The following DRGX variants were observed in gnomAD, a reference collection of about 807,000 sequenced individuals.
The protein encoded by DRGX is dorsal root ganglia homeobox.
In DRGX, 21 loss-of-function variants were observed where a neutral mutation model predicts 28.6. The observed-to-expected ratio is 0.73, with a 90% CI of 0.52 to 1.06. The LOEUF is 1.06. DRGX is among the 50% of genes least tolerant of loss of function. The pLI, the probability that DRGX is intolerant of heterozygous loss-of-function variation, is 0.00. For synonymous variants in DRGX, 136 were observed against 139.1 expected (o/e 0.98, Z 0.16); for missense variants, 354 against 343.9 (o/e 1.03, Z -0.23).
At chr10:49,375,646 G>T (rs1188362969) in intron 6 of DRGX, among the ~76,000 whole-genome samples, 2 of 152,060 alleles carry the variant, frequency 1.3e-5, no homozygotes, top group Non-Finnish European at 2.9e-5. Context: ...ATTGATGGGG[G>T]CCAACTCAGC....
chr10:49,386,959 T>G, intron 4 of DRGX, 101 bp from the exon 5 acceptor site: 1 of 1,343,590 alleles, frequency 7.4e-7, no homozygotes. Context: ...CCCTGCAGCC[T>G]CCTCTCCACA....
chr10:49,391,117 G>C (rs747592503), intron 3 of DRGX, 47 bp downstream of exon 3: 8 of 1,577,390 alleles, frequency 5.1e-6, no homozygotes, highest in Non-Finnish European at 7.0e-6. Context: ...TTGATTTGGG[G>C]GAGGTAGGAA....
chr10:49,395,505 G>C lies in DRGX; in HGVS notation c.-65C>G. 2 of 1,522,664 alleles carry C rather than the reference G, an allele frequency of 1.3e-6. No individual in the cohort carries two copies. The highest frequency in any genetic ancestry group is 1.4e-5 in the African/African-American group (1 of 72,640). 94.3% of individuals were successfully genotyped at this position (1,522,664 alleles called of 1,614,324 possible). On this transcript the variant is annotated 5_prime_UTR_variant, in exon 2 of 7. Coordinates refer to ENST00000374139, the MANE Select transcript of DRGX (RefSeq NM_001276451.2). ...GGGTGGCAGCAGAACGGACCCGCGC[G>C]CGTTGCTCCTGCCTGGCTGCAAAGC...
chr10:49,372,986 C>T (rs58966488), intron 6 of DRGX, among the ~76,000 whole-genome samples: 6,232 of 152,098 alleles, frequency 0.041, 360 homozygotes, highest in African/African-American at 0.13. Flanking sequence ...TTTTGTTTTT[C>T]TTTAATTTAT....
chr10:49,383,049 G>A (rs1345775944), intron 6 of DRGX, among the ~76,000 whole-genome samples: 3 of 152,088 alleles, frequency 2.0e-5, no homozygotes, highest in Non-Finnish European at 4.4e-5. Flanking sequence ...GGGCAAGGCA[G>A]GGCTGACCTG....
intron 6 of DRGX, among the ~76,000 whole-genome samples, chr10:49,374,585 GTTCC>G (rs1849697932): frequency 6.6e-6 from 1 of 152,146 alleles, no homozygotes; most frequent in African/African-American, 2.4e-5. Context: ...TTTCCATTAA[GTTCC>G]ATCAAATTCT....
At chr10:49,371,035 C>G (rs11101115) in intron 6 of DRGX, among the ~76,000 whole-genome samples, 14,962 of 152,244 alleles carry the variant, frequency 0.098, 945 homozygotes, top group Admixed American at 0.14. Context: ...GGGATAGGAA[C>G]TACAGTGATC....
In DRGX at chr10:49,365,452, T is replaced by A. The variant is rs1213825626; in HGVS notation, c.*664A>T. On this transcript the variant is annotated 3_prime_UTR_variant, in exon 7 of 7. Transcript: ENST00000374139. ...CAGTTCATGGAGCAGGTGGCCTGGGTGATTAGCCCAGCCCCCCGGCCAGAT... is the reference window on the plus strand; with the variant it reads ...CAGTTCATGGAGCAGGTGGCCTGGGAGATTAGCCCAGCCCCCCGGCCAGAT... 1 of 152,084 alleles carries A rather than the reference T, an allele frequency of 6.6e-6. No individual in the cohort carries two copies. The highest frequency in any genetic ancestry group is 2.4e-5 in the African/African-American group (1 of 41,372). 9.4% of individuals were successfully genotyped at this position (152,084 alleles called of 1,614,324 possible).
chr10:49,380,857 A>C (rs7900263), intron 6 of DRGX, among the ~76,000 whole-genome samples: 1 of 152,180 alleles, frequency 6.6e-6, no homozygotes, highest in Non-Finnish European at 1.5e-5. Flanking sequence ...GACTCTGGTC[A>C]ACAATAGTTG....
chr10:49,389,460 C>T (rs755594950), intron 4 of DRGX, among the ~76,000 whole-genome samples: 1 of 152,172 alleles, frequency 6.6e-6, no homozygotes, highest in Non-Finnish European at 1.5e-5. Flanking sequence ...CCCAGAGAGG[C>T]GGCACCGTGA....
At chr10:49,369,982 G>A (rs551843159) in intron 6 of DRGX, among the ~76,000 whole-genome samples, 27 of 152,068 alleles carry the variant, frequency 1.8e-4, no homozygotes, top group Admixed American at 7.9e-4. Flanking sequence ...CGCACTCACC[G>A]GGCCTTTGCC....
At chr10:49,376,919 A>G (rs1391175728) in intron 6 of DRGX, among the ~76,000 whole-genome samples, 3 of 151,732 alleles carry the variant, frequency 2.0e-5, no homozygotes, top group Non-Finnish European at 4.4e-5. Context: ...TGTCACCTGA[A>G]CTAGGATTCT....
At chr10:49,386,879 T>C (rs1049671784) in intron 4 of DRGX, 21 bp from the exon 5 acceptor site, 8 of 1,523,078 alleles carry the variant, frequency 5.3e-6, no homozygotes, top group African/African-American at 1.4e-5. Flanking sequence ...GATGGAAACA[T>C]ACACCCAGTG....
chr10:49,376,461 C>T (rs886164111), intron 6 of DRGX, among the ~76,000 whole-genome samples: 4 of 152,182 alleles, frequency 2.6e-5, no homozygotes, highest in East Asian at 1.9e-4. Context: ...ACCCCAGTCA[C>T]CATGCACTGG....
intron 6 of DRGX, among the ~76,000 whole-genome samples, chr10:49,385,666 G>A (rs1237624599): frequency 1.3e-5 from 2 of 152,108 alleles, no homozygotes; most frequent in East Asian, 3.9e-4. Flanking sequence ...GAACATGCAG[G>A]GGACACCCTA....
At chr10:49,376,691 C>A (rs1849721054) in intron 6 of DRGX, among the ~76,000 whole-genome samples, 1 of 152,154 alleles carries the variant, frequency 6.6e-6, no homozygotes, top group Non-Finnish European at 1.5e-5. Context: ...AGGTGAGGAG[C>A]CTGAAATCCA....
chr10:49,391,015 C>G (rs1221040919), intron 3 of DRGX, 149 bp downstream of exon 3: 2 of 909,202 alleles, frequency 2.2e-6, no homozygotes, highest in Non-Finnish European at 3.4e-6. Flanking sequence ...AATTTTGATT[C>G]CATGGCACAT....
intron 2 of DRGX, among the ~76,000 whole-genome samples, chr10:49,392,219 C>G (rs1171420163): frequency 6.6e-6 from 1 of 152,240 alleles, no homozygotes; most frequent in African/African-American, 2.4e-5. Context: ...CTCAGAATCA[C>G]GGCATTAGGA....
Position 49,395,460 on chromosome 10 carries a change from T to C in DRGX, c.-20A>G, listed in dbSNP as rs1244076702. On this transcript the variant is annotated 5_prime_UTR_variant, in exon 2 of 7. Transcript: ENST00000374139. ...AAACATCGCCGGCTGTCAGATCGGC[T>C]GGACGGCCGAGACCTGGGAGGGTGG... is the stretch of plus-strand genomic sequence containing the variant. 6.5e-7 allele frequency: 1 copy of C among 1,549,930 alleles called. No individual in the cohort carries two copies. The highest frequency in any genetic ancestry group is 8.7e-7 in the Non-Finnish European group (1 of 1,146,876).
Sources: allele counts gnomAD v4.1 joint callset (sites outside exome capture counted in the v4.1 genomes callset), GRCh38; gene constraint gnomAD v4.1.1; transcripts MANE v1.5; gene names NCBI Gene and HGNC (gene_info 2026-07-23, HGNC 2026-07-21).